MBP: variants seen among roughly 807,000 people sequenced by gnomAD.
MBP encodes the protein Golli-MBP.
In MBP, 16 loss-of-function variants were observed where a neutral mutation model predicts 35.8. The observed-to-expected ratio is 0.45, with a 90% CI of 0.30 to 0.68. The LOEUF (loss-of-function observed/expected upper bound fraction) is 0.68. Ranked by LOEUF, MBP falls within the 30% of genes least tolerant of loss-of-function variation. The probability of loss-of-function intolerance (pLI) is 0.08; values close to 1 mark genes in which losing one functional copy is unlikely to be tolerated. For synonymous variants in MBP, 143 were observed against 159.6 expected, an observed-to-expected ratio of 0.90 and a Z score of 0.78; for missense variants, 380 against 404.7, an observed-to-expected ratio of 0.94 and a Z score of 0.52.
chr18:77,082,566 A>G (rs1974994205), intron 2 of MBP, among the ~76,000 whole-genome samples: 1 of 152,202 alleles, frequency 6.6e-6, no homozygotes, highest in Non-Finnish European at 1.5e-5. Context: ...CTGTGAATGT[A>G]CTGAAAGCAT....
rs1052520643 is a variant in MBP at position 77,101,461 on chromosome 18, G to A, written c.51+3750C>T. Among the ~76,000 whole-genome samples the A allele has an allele frequency of 2.6e-5, 4 of 152,196 alleles. No individual in the cohort carries two copies. Among genetic ancestry groups the A allele is most frequent in the African/African-American group, 7.2e-5 (3 of 41,446 alleles). On this transcript the variant is annotated intron_variant, in intron 2 of 8. Coordinates refer to ENST00000355994, the MANE Select transcript of MBP (RefSeq NM_001025101.2). This position sits in a 1 kb window ranked among gnomAD's most constrained non-coding sequence, Gnocchi z 4.3. ...CTGAACCTGCGCCTGCCTGGAGGAA[G>A]TTACACTCCATCCGCATGAGTGAAT... is the stretch of plus-strand genomic sequence containing the variant.
intron 3 of MBP, among the ~76,000 whole-genome samples, chr18:77,051,659 GA>G (rs956218132): frequency 3.2e-4 from 48 of 152,126 alleles, no homozygotes; most frequent in Admixed American, 1.3e-3. Flanking sequence ...GAGAGCTTAG[GA>G]ATAATAATTA....
At chr18:77,057,422 G>T (rs1279453710) in intron 3 of MBP, among the ~76,000 whole-genome samples, 1 of 152,208 alleles carries the variant, frequency 6.6e-6, no homozygotes, top group Non-Finnish European at 1.5e-5. Context: ...CACAAAATGG[G>T]TTTTGTGGCT....
In MBP at chr18:76,989,864, G is replaced by A. The variant is rs975255915; in HGVS notation, c.681+92C>T. The A allele has an allele frequency of 2.2e-4, 243 of 1,122,014 alleles. No individual in the cohort carries two copies. Among genetic ancestry groups the A allele is most frequent in the East Asian group, 7.0e-4 (29 of 41,534 alleles). 69.5% of individuals were successfully genotyped at this position (1,122,014 alleles called of 1,614,324 possible). On this transcript the variant is annotated intron_variant, in intron 5 of 8. Coordinates refer to ENST00000355994, the MANE Select transcript of MBP (RefSeq NM_001025101.2). The surrounding 1 kb of genome is among the most constrained non-coding windows in gnomAD (Gnocchi z 4.0). Reference sequence around the variant, plus strand: ...TGATGATGACCCCGGTGCCACCCCCGAGCGTACGAACGTCCTGTGTGGATG... The same window carrying A: ...TGATGATGACCCCGGTGCCACCCCCAAGCGTACGAACGTCCTGTGTGGATG...
chr18:77,100,723 T>C lies in MBP; in HGVS notation c.51+4488A>G, dbSNP rs147518103. 4.1e-3 allele frequency among the ~76,000 whole-genome samples: 626 copies of C among 152,150 alleles called. 3 individuals are homozygous for C. Among genetic ancestry groups the C allele is most frequent in the African/African-American group, 0.014 (594 of 41,478 alleles). On this transcript the variant is annotated intron_variant, in intron 2 of 8. Coordinates refer to ENST00000355994, the MANE Select transcript of MBP (RefSeq NM_001025101.2). ...CACAGCACCATGCCCAGCTAATTTTTTGATTTTTTTGTAGAGATAAGGTCT... is the reference window on the plus strand; with the variant it reads ...CACAGCACCATGCCCAGCTAATTTTCTGATTTTTTTGTAGAGATAAGGTCT...
chr18:76,982,158 C>G (rs1969241805), intron 8 of MBP: 1 of 152,244 alleles, frequency 6.6e-6, no homozygotes, highest in African/African-American at 2.4e-5. Context: ...GTAGGTGTTC[C>G]TATCATCCTC....
chr18:77,033,682 T>C (rs1346233785), intron 3 of MBP, among the ~76,000 whole-genome samples: 2 of 151,930 alleles, frequency 1.3e-5, no homozygotes, highest in East Asian at 3.9e-4. Context: ...CATCCATATA[T>C]CAATTTATCC....
chr18:77,053,014 G>A (rs893722785), intron 3 of MBP, among the ~76,000 whole-genome samples: 1 of 152,172 alleles, frequency 6.6e-6, no homozygotes, highest in African/African-American at 2.4e-5. Flanking sequence ...TGGATCATTT[G>A]AAAAAGGGGA....
At chr18:77,114,650 G>A (rs781270892) in intron 1 of MBP, 2 of 152,310 alleles carry the variant, frequency 1.3e-5, no homozygotes, top group Non-Finnish European at 2.9e-5. Context: ...ACACCGTCAC[G>A]CTGGGACTGG....
rs1274757684 is a variant in MBP, at chr18:77,040,874, A to C, written c.140-23606T>G. On this transcript the variant is annotated intron_variant, in intron 3 of 8. Coordinates refer to ENST00000355994, the MANE Select transcript of MBP (RefSeq NM_001025101.2). ...ACCATTGAGGACATAGGCATGGGCAAGGACTTCATGTCTAAAACACCAAAA... is the reference window on the plus strand; with the variant it reads ...ACCATTGAGGACATAGGCATGGGCACGGACTTCATGTCTAAAACACCAAAA... 3.9e-5 allele frequency among the ~76,000 whole-genome samples: 6 copies of C among 152,386 alleles called. No homozygotes were observed. In the South Asian group the frequency reaches 1.0e-3, roughly 26 times the overall value.
At chr18:77,009,302 C>T (rs1022318894) in intron 4 of MBP, among the ~76,000 whole-genome samples, 4 of 152,238 alleles carry the variant, frequency 2.6e-5, no homozygotes, top group East Asian at 1.9e-4. Context: ...CAGGCCACAG[C>T]GATAGCCCAC....
intron 3 of MBP, among the ~76,000 whole-genome samples, chr18:77,041,013 G>A (rs1246605): frequency 0.85 from 128,421 of 151,354 alleles, 55,327 homozygotes; most frequent in South Asian, 0.94. Context: ...AATGGGAGAA[G>A]ATTTTTGCAA....
chr18:77,017,281 A>G lies in MBP; in HGVS notation c.140-13T>C, dbSNP rs759098039. 15 of 1,503,148 alleles carry G rather than the reference A, an allele frequency of 1.0e-5. No individual in the cohort carries two copies. In the South Asian group the frequency reaches 1.5e-4, roughly 15 times the overall value. The allele number at this position is 1,503,148 out of a possible 1,614,324, so 93.1% of individuals were successfully genotyped here. On this transcript the variant is annotated splice_polypyrimidine_tract_variant and intron_variant, in intron 3 of 8. Coordinates refer to ENST00000355994, the MANE Select transcript of MBP (RefSeq NM_001025101.2). Reference sequence around the variant, plus strand: ...GCATCTGCCTCTCCTGCAAACAACAATGAGATATGAATACGGGCCTGTGCA... The same window carrying G: ...GCATCTGCCTCTCCTGCAAACAACAGTGAGATATGAATACGGGCCTGTGCA...
intron 2 of MBP, among the ~76,000 whole-genome samples, chr18:77,103,238 A>G (rs1006003648): frequency 2.0e-5 from 3 of 152,212 alleles, no homozygotes; most frequent in Non-Finnish European, 4.4e-5. Context: ...CAAGTTTATT[A>G]TTACTATTAA....
intron 3 of MBP, among the ~76,000 whole-genome samples, chr18:77,018,546 CATCT>C (rs1320607803): frequency 3.3e-5 from 5 of 149,474 alleles, no homozygotes; most frequent in African/African-American, 1.0e-4. Context: ...CCTACCCATC[CATCT>C]ATCCATCCCC....
At chr18:77,066,446 A>G (rs569126419) in intron 2 of MBP, 61 bp from the exon 3 acceptor site, 2 of 1,010,442 alleles carry the variant, frequency 2.0e-6, no homozygotes, top group Non-Finnish European at 3.2e-6. Context: ...CAACAAAATA[A>G]TTGTAATGCA....
chr18:77,031,782 C>T (rs961470310), intron 3 of MBP, among the ~76,000 whole-genome samples: 10 of 152,250 alleles, frequency 6.6e-5, no homozygotes, highest in Admixed American at 1.3e-4. Context: ...GTCCGTGCCT[C>T]TCCATTTGGC....
chr18:77,072,957 G>A (rs1412711192), intron 2 of MBP, among the ~76,000 whole-genome samples: 1 of 152,226 alleles, frequency 6.6e-6, no homozygotes, highest in African/African-American at 2.4e-5. Flanking sequence ...CTTGCTGGCA[G>A]CAACGTGTTC....
chr18:77,071,000 A>G (rs1187785961), intron 2 of MBP, among the ~76,000 whole-genome samples: 13 of 152,202 alleles, frequency 8.5e-5, no homozygotes, highest in Non-Finnish European at 1.9e-4. Context: ...GCACACACGC[A>G]CACGCACATT....
Sources: allele counts gnomAD v4.1 joint callset (sites outside exome capture counted in the v4.1 genomes callset), GRCh38; gene constraint gnomAD v4.1.1; non-coding constraint Gnocchi (gnomAD v3.1); transcripts MANE v1.5; gene names NCBI Gene and HGNC (gene_info 2026-07-23, HGNC 2026-07-21).